The following RUFY4 variants were observed in gnomAD, a reference collection of about 807,000 sequenced individuals.
The protein encoded by RUFY4 is RUN and FYVE domain containing 4.
Under a neutral mutation model 69.0 loss-of-function variants are expected in RUFY4, and 73 were observed. That is an observed-to-expected ratio of 1.06 (90% CI 0.88 to 1.29). The LOEUF is 1.29. RUFY4 is among the 50% of genes most tolerant of loss of function. The pLI is 0.00. For synonymous variants in RUFY4, 287 were observed against 271.8 expected, an observed-to-expected ratio of 1.06 and a Z score of -0.55; for missense variants, 770 against 705.6, an observed-to-expected ratio of 1.09 and a Z score of -1.03.
chr2:218,075,823 G>A (rs967944476), intron 7 of RUFY4, 83 bp downstream of exon 9: 66 of 1,278,874 alleles, frequency 5.2e-5, no homozygotes, highest in Non-Finnish European at 6.7e-5. Context: ...GGTAGCCTGG[G>A]ACCATTCCCT....
Position 218,089,251 on chromosome 2 carries a change from G to C in RUFY4, c.1503-1G>C. ...TCTCTCCACCTTCATCCCCCCATCA[G>C]AGAGAAGGACCGCCTGTGGCAGAGG... On this transcript the variant is annotated splice_acceptor_variant, in intron 9 of 10. Transcript: ENST00000344321. LOFTEE classifies it high-confidence loss of function. The C allele has an allele frequency of 6.2e-7, 1 of 1,612,880 alleles. No homozygotes were observed. The highest frequency in any genetic ancestry group is 8.5e-7 in the Non-Finnish European group (1 of 1,179,284).
At chr2:218,051,330 A>G (rs1268296504) in intron 2 of RUFY4, among the ~76,000 whole-genome samples, 1 of 152,190 alleles carries the variant, frequency 6.6e-6, no homozygotes. Flanking sequence ...TTTAAGTACT[A>G]TAAAACATAT....
chr2:218,079,253 A>G (rs1319562117), intron 8 of RUFY4, among the ~76,000 whole-genome samples: 9 of 152,204 alleles, frequency 5.9e-5, no homozygotes, highest in African/African-American at 1.9e-4. Context: ...CCTGCCATGC[A>G]GGGGAGAGTT....
chr2:218,050,943 C>T (rs1199533504), intron 2 of RUFY4, among the ~76,000 whole-genome samples: 1 of 152,036 alleles, frequency 6.6e-6, no homozygotes, highest in African/African-American at 2.4e-5. Context: ...ATGGAATAAA[C>T]ATTTATACAT....
intron 2 of RUFY4, among the ~76,000 whole-genome samples, chr2:218,041,678 C>T (rs974839369): frequency 6.6e-6 from 1 of 151,784 alleles, no homozygotes; most frequent in African/African-American, 2.4e-5. Flanking sequence ...AGTTTGTTGG[C>T]TACTTCTGAA....
chr2:218,070,082 C>T (rs1689447679), upstream of RUFY4, among the ~76,000 whole-genome samples: 1 of 152,120 alleles, frequency 6.6e-6, no homozygotes, highest in Non-Finnish European at 1.5e-5. Context: ...AGACTGAGTA[C>T]CCAGGCAAGG....
At chr2:218,075,633 G>A (rs369707895) in exon 7 of RUFY4, 12 of 1,518,132 alleles carry the variant, frequency 7.9e-6, no homozygotes, top group South Asian at 6.7e-5. Context: ...TCAGGGACAC[G>A]CAACAAAGGA....
At chr2:218,085,426 T>C (rs113407204) in intron 9 of RUFY4, among the ~76,000 whole-genome samples, 3,726 of 152,298 alleles carry the variant, frequency 0.024, 54 homozygotes, top group South Asian at 0.049. Context: ...TGCCCACATC[T>C]TATCTATTCT....
At chr2:218,059,477 G>A (rs1268323998) in intron 3 of RUFY4, 1 of 166,724 alleles carries the variant, frequency 6.0e-6, no homozygotes, top group African/African-American at 2.4e-5. Context: ...CTGTCTCTGT[G>A]AATTTGTTCA....
At position 218,047,041 on chromosome 2, in the gene RUFY4, TAA is replaced by T. The variant is rs201363231; in HGVS notation, c.-1157-11536_-1157-11535del. ...CAAACACAAAAAGTTTCATTGTGGT[TAA>T]AAAAAAAAAAAAAAAAAGTTTAGCT... On this transcript the variant is annotated intron_variant and NMD_transcript_variant, in intron 2 of 13. Coordinates refer to the RUFY4 transcript ENST00000457754. Among the ~76,000 whole-genome samples, 160 of 123,162 alleles carry T rather than the reference TAA, an allele frequency of 1.3e-3. 1 individual carries two copies. The highest frequency in any genetic ancestry group is 2.7e-3 in the African/African-American group (93 of 33,910). 80.8% of individuals were successfully genotyped at this position (123,162 alleles called of 152,430 possible).
chr2:218,085,213 C>T (rs1689863784), intron 9 of RUFY4, among the ~76,000 whole-genome samples: 1 of 152,114 alleles, frequency 6.6e-6, no homozygotes, highest in Non-Finnish European at 1.5e-5. Flanking sequence ...CACTTCCCAT[C>T]CAAAGAAAAT....
chr2:218,055,391 T>C (rs1161867135), intron 2 of RUFY4, among the ~76,000 whole-genome samples: 4 of 143,466 alleles, frequency 2.8e-5, no homozygotes, highest in Admixed American at 6.8e-5. Context: ...TGAGACCCTG[T>C]CTCAAAAAAA....
At chr2:218,085,481 AAAACG>A (rs1689872192) in intron 9 of RUFY4, among the ~76,000 whole-genome samples, 2 of 152,218 alleles carry the variant, frequency 1.3e-5, no homozygotes, top group Admixed American at 6.5e-5. Flanking sequence ...ACTAAAACTT[AAAACG>A]GAGAGAAAAG....
At chr2:218,080,732 C>A (rs1404086177) in intron 8 of RUFY4, among the ~76,000 whole-genome samples, 1 of 152,234 alleles carries the variant, frequency 6.6e-6, no homozygotes. Flanking sequence ...TCCTTGGAGT[C>A]CTGCCAGGCT....
chr2:218,054,554 C>CAAAAAA (rs35697446), intron 2 of RUFY4, among the ~76,000 whole-genome samples: 1 of 79,930 alleles, frequency 1.3e-5, no homozygotes, highest in African/African-American at 4.2e-5. Flanking sequence ...GACTCTGTCT[C>CAAAAAA]AAAAAAAAAA....
chr2:218,060,715 T>C (rs1689163411), intron 3 of RUFY4: 2 of 1,382,848 alleles, frequency 1.4e-6, no homozygotes, highest in South Asian at 1.2e-5. Context: ...AAACAGCGTA[T>C]GCAGGGTGAA....
At chr2:218,087,178 A>G (rs965673189) in intron 9 of RUFY4, among the ~76,000 whole-genome samples, 12 of 152,186 alleles carry the variant, frequency 7.9e-5, no homozygotes, top group Non-Finnish European at 1.8e-4. Flanking sequence ...AATATTATGT[A>G]TAGAATAGAA....
At chr2:218,083,111 T>G (rs1248723996) in exon 9 of RUFY4, 2 of 1,612,412 alleles carry the variant, frequency 1.2e-6, no homozygotes, top group African/African-American at 2.7e-5. Flanking sequence ...TGTACCCAGG[T>G]GTCAGGAAGA....
intron 2 of RUFY4, among the ~76,000 whole-genome samples, chr2:218,044,004 C>T (rs1688763294): frequency 6.6e-6 from 1 of 152,238 alleles, no homozygotes; most frequent in South Asian, 2.1e-4. Flanking sequence ...TATGACAGTG[C>T]CCAGGTTCAC....
Sources: allele counts gnomAD v4.1 joint callset (sites outside exome capture counted in the v4.1 genomes callset), GRCh38; gene constraint gnomAD v4.1.1; transcripts MANE v1.5; gene names NCBI Gene and HGNC (gene_info 2026-07-23, HGNC 2026-07-21).